Variants in KLRG1 observed in about 807,000 individuals in gnomAD.
The protein encoded by KLRG1 is killer cell lectin like receptor G1.
Under a neutral mutation model 21.8 loss-of-function variants are expected in KLRG1, and 16 were observed. The observed-to-expected ratio is 0.73, with a 90% CI of 0.50 to 1.11. KLRG1 has a LOEUF of 1.11. Among genes scored for constraint, KLRG1 ranks in the 50% most tolerant of loss-of-function variants. KLRG1 has a pLI of 0.00. For synonymous variants in KLRG1, 69 were observed against 75.9 expected (o/e 0.91, Z 0.47); for missense variants, 173 against 218.3 (o/e 0.79, Z 1.31).
At chr12:9,072,622 T>C in the KLRG1 span, 1 of 1,609,676 alleles carries the variant, frequency 6.2e-7, no homozygotes, top group Admixed American at 1.7e-5. Context: ...TGTCCTCATC[T>C]GTCCTGTCCT....
chr12:8,989,523 G>A, upstream of KLRG1: 1 of 668,194 alleles, frequency 1.5e-6, no homozygotes, highest in Non-Finnish European at 2.6e-6. Flanking sequence ...TTCTGCTTTT[G>A]TGAAGTTTCC....
chr12:9,149,160 A>G, the KLRG1 span, among the ~76,000 whole-genome samples: 3 of 152,356 alleles, frequency 2.0e-5, no homozygotes, highest in Admixed American at 6.5e-5. Flanking sequence ...ACTAATCAGC[A>G]CACAAAGGCA....
At chr12:9,032,850 AC>A in the KLRG1 span, among the ~76,000 whole-genome samples, 1 of 152,130 alleles carries the variant, frequency 6.6e-6, no homozygotes, top group African/African-American at 2.4e-5. Context: ...GTGCATGAAG[AC>A]TATTTTCCAC....
At chr12:9,054,570 G>A in the KLRG1 span, among the ~76,000 whole-genome samples, 1 of 151,282 alleles carries the variant, frequency 6.6e-6, no homozygotes, top group African/African-American at 2.4e-5. Context: ...ATTTGTGTTA[G>A]GAGCTTTCCT....
the KLRG1 span, chr12:9,192,534 G>T: frequency 3.7e-6 from 6 of 1,613,478 alleles, no homozygotes; most frequent in African/African-American, 5.3e-5. Flanking sequence ...ACTGAGCTCC[G>T]ATAACTCTCC....
At chr12:8,999,689 A>G (rs375443513) in intron 3 of KLRG1, among the ~76,000 whole-genome samples, 24 of 152,222 alleles carry the variant, frequency 1.6e-4, no homozygotes, top group African/African-American at 5.5e-4. Flanking sequence ...GCGAACTTCA[A>G]CAACTTTCTT....
chr12:9,131,371 C>T, the KLRG1 span, among the ~76,000 whole-genome samples: 4 of 152,212 alleles, frequency 2.6e-5, no homozygotes, highest in East Asian at 1.9e-4. Flanking sequence ...ATGTTGGGGA[C>T]AGCTTTCCAT....
At chr12:9,047,901 A>G in the KLRG1 span, among the ~76,000 whole-genome samples, 2 of 152,220 alleles carry the variant, frequency 1.3e-5, no homozygotes, top group Admixed American at 6.5e-5. Context: ...AAGGGAAAAT[A>G]TACAAGTCCA....
At chr12:9,192,531 T>A in the KLRG1 span, 1 of 1,613,396 alleles carries the variant, frequency 6.2e-7, no homozygotes, top group African/African-American at 1.3e-5. Flanking sequence ...GAAACTGAGC[T>A]CCGATAACTC....
the KLRG1 span, among the ~76,000 whole-genome samples, chr12:9,118,485 A>C: frequency 6.6e-6 from 1 of 152,220 alleles, no homozygotes; most frequent in African/African-American, 2.4e-5. Flanking sequence ...GCCATGTGTT[A>C]AGGAAGGCAG....
the KLRG1 span, chr12:9,098,673 G>A: frequency 7.4e-5 from 119 of 1,611,042 alleles, no homozygotes; most frequent in South Asian, 1.7e-4. Flanking sequence ...CACGGAGGGC[G>A]CAGACGGACT....
the KLRG1 span, chr12:9,112,790 ACAGT>A: frequency 1.9e-5 from 9 of 466,844 alleles, no homozygotes; most frequent in East Asian, 3.4e-4. Context: ...GCTCACAGAA[ACAGT>A]CTTGATTCAA....
chr12:9,147,260 AGCAGCTAGACT>A, the KLRG1 span, among the ~76,000 whole-genome samples: 1 of 152,252 alleles, frequency 6.6e-6, no homozygotes, highest in African/African-American at 2.4e-5. Flanking sequence ...TTCTCCTTCA[AGCAGCTAGACT>A]GTGCTTGTCC....
the KLRG1 span, chr12:9,157,963 C>T: frequency 3.5e-6 from 3 of 847,070 alleles, no homozygotes; most frequent in Non-Finnish European, 5.7e-6. Flanking sequence ...TTCCTTCTCT[C>T]TCTCTCTCTC....
At chr12:8,982,397 C>G (rs960544726) in intron 1 of KLRG1, among the ~76,000 whole-genome samples, 81 of 152,284 alleles carry the variant, frequency 5.3e-4, no homozygotes, top group African/African-American at 1.9e-3. Flanking sequence ...AGAAGGAAAT[C>G]AGTTCTGCCA....
intron 1 of KLRG1, 94 bp from the exon 2 acceptor site, chr12:8,992,112 A>C (rs1271120805): frequency 9.8e-7 from 1 of 1,018,300 alleles, no homozygotes; most frequent in Non-Finnish European, 1.5e-6. Context: ...CCACTAGGCC[A>C]AATTGCTTTA....
chr12:9,143,042 C>T, the KLRG1 span, among the ~76,000 whole-genome samples: 1 of 152,166 alleles, frequency 6.6e-6, no homozygotes, highest in Non-Finnish European at 1.5e-5. Flanking sequence ...AACATAAAGG[C>T]CTTTGAATAT....
chr12:8,971,529 A>G (rs1249635107), intron 1 of KLRG1, among the ~76,000 whole-genome samples: 3 of 152,072 alleles, frequency 2.0e-5, no homozygotes, highest in Non-Finnish European at 4.4e-5. Context: ...TCTGTTGCCC[A>G]GGCTGGAGTG....
chr12:8,992,017 T>C (rs1018610375), intron 1 of KLRG1, 189 bp from the exon 2 acceptor site: 4 of 502,864 alleles, frequency 8.0e-6, no homozygotes, highest in African/African-American at 5.8e-5. Context: ...AGTTCTTTGA[T>C]ACAGGTGTTG....
Sources: allele counts gnomAD v4.1 joint callset (sites outside exome capture counted in the v4.1 genomes callset), GRCh38; gene constraint gnomAD v4.1.1; transcripts MANE v1.5; gene names NCBI Gene and HGNC (gene_info 2026-07-23, HGNC 2026-07-21).